The following CRISPLD1 variants were observed in gnomAD, a reference collection of about 807,000 sequenced individuals.
CRISPLD1 encodes the protein cysteine-rich secretory protein LCCL domain-containing 1.
Under a neutral mutation model 77.5 loss-of-function variants are expected in CRISPLD1, and 60 were observed. The ratio of observed to expected loss-of-function variants is 0.77; its 90% CI spans 0.63 to 0.96. The LOEUF (loss-of-function observed/expected upper bound fraction) is 0.96. CRISPLD1 is among the 40% of genes least tolerant of loss of function. CRISPLD1 has a pLI of 0.00. For missense variants in CRISPLD1, 623 were observed against 615.8 expected, an observed-to-expected ratio of 1.01 and a Z score of -0.12; for synonymous variants, 195 against 200.1, an observed-to-expected ratio of 0.97 and a Z score of 0.22.
At chr8:75,026,254 C>A (rs1813233969) in intron 13 of CRISPLD1, among the ~76,000 whole-genome samples, 1 of 152,002 alleles carries the variant, frequency 6.6e-6, no homozygotes, top group Non-Finnish European at 1.5e-5. Flanking sequence ...GGCTCTTTTT[C>A]TATTGTTGTA....
Position 75,014,923 on chromosome 8 carries a change from T to TTGC in CRISPLD1, c.727+13_727+14insCTG. On this transcript the variant is annotated intron_variant, in intron 6 of 14. Transcript: ENST00000262207. Reference sequence around the variant, plus strand: ...ATCTGTGCTACAAAGGTAAGTGCTATTGTGTTGTGGTATTCATGTTGATTT... The same window carrying TTGC: ...ATCTGTGCTACAAAGGTAAGTGCTATTGCTGTGTTGTGGTATTCATGTTGATTT... The TTGC allele has an allele frequency of 6.5e-7, 1 of 1,532,106 alleles. No individual in the cohort carries two copies. The highest frequency in any genetic ancestry group is 8.8e-7 in the Non-Finnish European group (1 of 1,138,934). 94.9% of individuals were successfully genotyped at this position (1,532,106 alleles called of 1,614,324 possible). A position where few individuals can be genotyped will look rare whatever the true frequency, so the allele number is the denominator to read the frequency against.
chr8:75,013,364 A>G (rs1041089367), intron 4 of CRISPLD1, among the ~76,000 whole-genome samples: 7 of 151,908 alleles, frequency 4.6e-5, no homozygotes, highest in South Asian at 2.1e-4. Flanking sequence ...ATGACATTCA[A>G]TATTTACATG....
At chr8:75,031,850 T>C (rs959270391) in intron 14 of CRISPLD1, among the ~76,000 whole-genome samples, 2 of 151,942 alleles carry the variant, frequency 1.3e-5, no homozygotes, top group African/African-American at 2.4e-5. Flanking sequence ...CCCATTAAAA[T>C]TGAATAACAG....
At chr8:75,027,960 C>T (rs1450816290) in intron 13 of CRISPLD1, among the ~76,000 whole-genome samples, 1 of 152,104 alleles carries the variant, frequency 6.6e-6, no homozygotes, top group South Asian at 2.1e-4. Context: ...AATAGGGATG[C>T]CTGCTGAATC....
rs1323370177 is a variant in CRISPLD1, at chr8:75,032,931, AG to A, written c.*692del. ...TTCCTAGTGATCATGTAGTAAATGT[AG>A]GGTTAAGCATGGACAGCCAGAGCTT... On this transcript the variant is annotated 3_prime_UTR_variant, in exon 15 of 15. Coordinates refer to ENST00000262207, the MANE Select transcript of CRISPLD1 (RefSeq NM_031461.6). The A allele has an allele frequency of 6.6e-6, 1 of 151,900 alleles. No individual in the cohort carries two copies. The highest frequency in any genetic ancestry group is 2.4e-5 in the African/African-American group (1 of 41,436). 9.4% of individuals were successfully genotyped at this position (151,900 alleles called of 1,614,324 possible).
intron 13 of CRISPLD1, among the ~76,000 whole-genome samples, chr8:75,029,137 G>T (rs192016580): frequency 1.1e-4 from 16 of 152,278 alleles, no homozygotes; most frequent in Non-Finnish European, 1.9e-4. Context: ...GTATTTGCTA[G>T]ATTAGATTGG....
intron 14 of CRISPLD1, among the ~76,000 whole-genome samples, chr8:75,030,157 C>T (rs1050128634): frequency 6.6e-6 from 1 of 151,908 alleles, no homozygotes; most frequent in Non-Finnish European, 1.5e-5. Context: ...ATTAAAAGTC[C>T]TATTTATTTG....
intron 2 of CRISPLD1, among the ~76,000 whole-genome samples, chr8:74,999,800 A>C (rs1812707473): frequency 6.7e-6 from 1 of 149,860 alleles, no homozygotes; most frequent in African/African-American, 2.5e-5. Flanking sequence ...CAAAGTACTT[A>C]TAATACACAA....
rs542222374 is a variant in CRISPLD1, at chr8:75,033,295, T to A, written c.*1053T>A. ...GGATAAACATTAAAATTAATCATGT[T>A]TCAAAGTTTTATTTTCAGTTCCTTT... On this transcript the variant is annotated 3_prime_UTR_variant, in exon 15 of 15. Transcript: ENST00000262207. The A allele has an allele frequency of 6.6e-6, 1 of 152,512 alleles. No homozygotes were observed. Among genetic ancestry groups the A allele is most frequent in the African/African-American group, 2.4e-5 (1 of 41,572 alleles). 9.4% of individuals were successfully genotyped at this position (152,512 alleles called of 1,614,324 possible).
chr8:75,024,770 GCTTGGGGATGCTCTGAT>G (rs1175455343), intron 12 of CRISPLD1, among the ~76,000 whole-genome samples: 2 of 152,096 alleles, frequency 1.3e-5, no homozygotes, highest in Non-Finnish European at 2.9e-5. Flanking sequence ...TGATTGAGGT[GCTTGGGGATGCTCTGAT>G]CTTGGATATG....
chr8:75,027,965 T>C (rs960052495), intron 13 of CRISPLD1, among the ~76,000 whole-genome samples: 13 of 152,226 alleles, frequency 8.5e-5, no homozygotes, highest in African/African-American at 2.4e-4. Flanking sequence ...GGATGCCTGC[T>C]GAATCTATAA....
At chr8:74,990,635 GATATA>G (rs1363119926) in intron 2 of CRISPLD1, among the ~76,000 whole-genome samples, 2 of 147,368 alleles carry the variant, frequency 1.4e-5, no homozygotes, top group African/African-American at 5.3e-5. Flanking sequence ...TTACTCCACA[GATATA>G]ATACTGCACA....
chr8:75,023,405 AACCC>A (rs1813174508), intron 12 of CRISPLD1, among the ~76,000 whole-genome samples: 1 of 152,210 alleles, frequency 6.6e-6, no homozygotes, highest in Non-Finnish European at 1.5e-5. Context: ...TTCCTGCAGA[AACCC>A]CAAACAGCAT....
chr8:74,996,274 G>C (rs569568456), intron 2 of CRISPLD1, among the ~76,000 whole-genome samples: 1 of 151,986 alleles, frequency 6.6e-6, no homozygotes, highest in Non-Finnish European at 1.5e-5. Flanking sequence ...TTTAAAAGCT[G>C]CTTGTAAGGC....
intron 12 of CRISPLD1, among the ~76,000 whole-genome samples, chr8:75,023,001 A>C (rs1200809323): frequency 6.6e-6 from 1 of 151,936 alleles, no homozygotes; most frequent in African/African-American, 2.4e-5. Context: ...AATTTATTGA[A>C]TGCTCAAGAT....
chr8:75,008,673 A>G (rs1327743756), intron 2 of CRISPLD1, among the ~76,000 whole-genome samples: 1 of 152,144 alleles, frequency 6.6e-6, no homozygotes, highest in Non-Finnish European at 1.5e-5. Flanking sequence ...ATATTAAAAT[A>G]CTGTATGCTA....
At chr8:74,989,538 T>C (rs1812542443) in intron 2 of CRISPLD1, among the ~76,000 whole-genome samples, 1 of 128,716 alleles carries the variant, frequency 7.8e-6, no homozygotes, top group Admixed American at 7.1e-5. Context: ...TGGCCATTTT[T>C]ATGTTTTTTT....
chr8:74,999,085 A>G (rs551399521), intron 2 of CRISPLD1, among the ~76,000 whole-genome samples: 28 of 152,286 alleles, frequency 1.8e-4, no homozygotes, highest in Admixed American at 1.4e-3. Flanking sequence ...TGTTGACCCA[A>G]ATATGTAACT....
chr8:75,000,230 T>A, intron 2 of CRISPLD1: 2 of 985,236 alleles, frequency 2.0e-6, no homozygotes, highest in Middle Eastern at 5.2e-4. Flanking sequence ...TCAAGACGTG[T>A]CAAATCTGTA....
Sources: allele counts gnomAD v4.1 joint callset (sites outside exome capture counted in the v4.1 genomes callset), GRCh38; gene constraint gnomAD v4.1.1; transcripts MANE v1.5; gene names NCBI Gene and HGNC (gene_info 2026-07-23, HGNC 2026-07-21).